The following PTPRT variants were observed in gnomAD, a reference collection of about 807,000 sequenced individuals.
PTPRT encodes the protein receptor-type tyrosine-protein phosphatase T.
A neutral mutation model predicts 176.8 loss-of-function variants in PTPRT; 56 were observed. That is an observed-to-expected ratio of 0.32 (90% confidence interval 0.26 to 0.40). PTPRT has a LOEUF of 0.40. PTPRT is among the 10% of genes least tolerant of loss of function. PTPRT has a pLI of 1.00. For synonymous variants in PTPRT, 783 were observed against 739.0 expected (o/e 1.06, Z -0.96); for missense variants, 1,540 against 1,908.2 (o/e 0.81, Z 3.60).
intron 12 of PTPRT, among the ~76,000 whole-genome samples, chr20:42,285,972 C>A (rs2057223869): frequency 6.6e-6 from 1 of 151,740 alleles, no homozygotes; most frequent in South Asian, 2.1e-4. Flanking sequence ...ATCAATAAGG[C>A]AATCTCATTT....
chr20:42,177,267 G>A (rs1273871261), intron 16 of PTPRT, among the ~76,000 whole-genome samples: 6 of 152,176 alleles, frequency 3.9e-5, no homozygotes, highest in Admixed American at 2.0e-4. Context: ...TGAGTAGTGA[G>A]GGATTAGGTG....
chr20:42,573,745 C>CTTTTT (rs201228742), intron 7 of PTPRT, among the ~76,000 whole-genome samples: 32,215 of 108,894 alleles, frequency 0.3, 5,635 homozygotes, highest in Non-Finnish European at 0.34. Context: ...CCCTTTCTTT[C>CTTTTT]TTTCTTTTTT....
intron 1 of PTPRT, among the ~76,000 whole-genome samples, chr20:42,949,323 C>T (rs1981084017): frequency 6.6e-6 from 1 of 152,240 alleles, no homozygotes; most frequent in African/African-American, 2.4e-5. Flanking sequence ...AACTTCACAA[C>T]ATCTGCTGCC....
intron 6 of PTPRT, among the ~76,000 whole-genome samples, chr20:42,729,048 G>A (rs148789802): frequency 4.4e-4 from 67 of 152,094 alleles, no homozygotes; most frequent in Non-Finnish European, 7.9e-4. Flanking sequence ...GAGGGGCTTC[G>A]AGGAGGTGAG....
At chr20:42,436,264 T>C (rs995997103) in intron 9 of PTPRT, among the ~76,000 whole-genome samples, 2 of 152,186 alleles carry the variant, frequency 1.3e-5, no homozygotes, top group African/African-American at 4.8e-5. Context: ...TTAAGGACTT[T>C]TGTTTTTCAA....
At chr20:42,413,835 C>G (rs1032154289) in intron 9 of PTPRT, among the ~76,000 whole-genome samples, 4 of 152,120 alleles carry the variant, frequency 2.6e-5, no homozygotes. Context: ...AGAACCATCA[C>G]TCTCCACGAG....
chr20:42,764,293 C>T (rs770467966), intron 5 of PTPRT, among the ~76,000 whole-genome samples: 32 of 152,052 alleles, frequency 2.1e-4, no homozygotes, highest in Non-Finnish European at 3.8e-4. Context: ...GTGTAGACGT[C>T]CCATTTAAAG....
chr20:42,315,403 G>C (rs1171253083), intron 12 of PTPRT, among the ~76,000 whole-genome samples: 1 of 151,994 alleles, frequency 6.6e-6, no homozygotes, highest in Non-Finnish European at 1.5e-5. Flanking sequence ...CTCAAGTAAA[G>C]CACCATCTCT....
intron 5 of PTPRT, among the ~76,000 whole-genome samples, chr20:42,767,156 A>G (rs1411167054): frequency 1.3e-5 from 2 of 152,150 alleles, no homozygotes; most frequent in African/African-American, 4.8e-5. Flanking sequence ...TTGTAGAAAG[A>G]TGTTAACCTA....
chr20:42,872,422 T>C (rs879815935), intron 2 of PTPRT, among the ~76,000 whole-genome samples: 1 of 152,212 alleles, frequency 6.6e-6, no homozygotes, highest in Non-Finnish European at 1.5e-5. Flanking sequence ...TAAGCTCAAC[T>C]GGGAGATTTA....
rs900242263 is a variant in PTPRT, at chr20:42,669,617, G to A, written c.1153+8249C>T. Among the ~76,000 whole-genome samples the A allele has an allele frequency of 4.6e-5, 7 of 152,166 alleles. No individual in the cohort carries two copies. In the East Asian group the frequency reaches 1.4e-3, roughly 29 times the overall value. On this transcript the variant is annotated intron_variant, in intron 7 of 30. Transcript: ENST00000373187. ...CCATTTTATAGATGGTGCCGCCAAGGCATAGAGAAATGAAGAAGAAAAACT... is the reference window on the plus strand; with the variant it reads ...CCATTTTATAGATGGTGCCGCCAAGACATAGAGAAATGAAGAAGAAAAACT...
intron 9 of PTPRT, 146 bp from the exon 10 acceptor site, chr20:42,352,431 T>G: frequency 1.4e-6 from 1 of 720,714 alleles, no homozygotes; most frequent in East Asian, 2.7e-5. Context: ...TGCCTGTTGC[T>G]GTCCACTTTC....
intron 8 of PTPRT, among the ~76,000 whole-genome samples, chr20:42,471,658 T>C (rs545333963): frequency 2.6e-5 from 4 of 152,168 alleles, no homozygotes; most frequent in Non-Finnish European, 5.9e-5. Context: ...TTTTGTTTTG[T>C]TTTGTTTTTT....
intron 7 of PTPRT, among the ~76,000 whole-genome samples, chr20:42,566,509 C>T (rs1395952976): frequency 6.6e-6 from 1 of 152,152 alleles, no homozygotes; most frequent in African/African-American, 2.4e-5. Context: ...TAGTTTTCAC[C>T]AATGAAATGG....
intron 6 of PTPRT, among the ~76,000 whole-genome samples, chr20:42,716,739 A>G (rs2076229622): frequency 6.6e-6 from 1 of 152,174 alleles, no homozygotes; most frequent in Admixed American, 6.5e-5. Context: ...ACGCACATGT[A>G]TGTTTATTGT....
At chr20:42,251,515 T>C (rs777616799) in intron 13 of PTPRT, among the ~76,000 whole-genome samples, 1 of 151,850 alleles carries the variant, frequency 6.6e-6, no homozygotes, top group South Asian at 2.1e-4. Context: ...CTGTTAAGGT[T>C]TGAACAGAGA....
At chr20:42,337,156 C>A (rs945494222) in intron 11 of PTPRT, among the ~76,000 whole-genome samples, 1 of 148,898 alleles carries the variant, frequency 6.7e-6, no homozygotes, top group Non-Finnish European at 1.5e-5. Context: ...ATTTAGAAGC[C>A]CCCCCTTCCC....
chr20:42,212,728 G>A (rs1169025618), intron 15 of PTPRT, among the ~76,000 whole-genome samples: 2 of 152,154 alleles, frequency 1.3e-5, no homozygotes, highest in Non-Finnish European at 2.9e-5. Flanking sequence ...AAACCACTTT[G>A]CCCAGGGTAT....
chr20:42,335,426 G>C lies in PTPRT; in HGVS notation c.1865+15202C>G, dbSNP rs2058026266. 2.8e-5 allele frequency among the ~76,000 whole-genome samples: 4 copies of C among 142,810 alleles called. No individual in the cohort carries two copies. The South Asian group carries it at 8.8e-4, about 31-fold the overall frequency. 93.7% of individuals were successfully genotyped at this position (142,810 alleles called of 152,430 possible). A position where few individuals can be genotyped will look rare whatever the true frequency, so the allele number is the denominator to read the frequency against. Reference sequence around the variant, plus strand: ...TAAGCAATGCTTCCAACATGAAAGAGAGCAGTGAATTAAAAAAAATGACTC... The same window carrying C: ...TAAGCAATGCTTCCAACATGAAAGACAGCAGTGAATTAAAAAAAATGACTC... On this transcript the variant is annotated intron_variant, in intron 11 of 30. Coordinates refer to ENST00000373187, the MANE Select transcript of PTPRT (RefSeq NM_007050.6).
Sources: allele counts gnomAD v4.1 joint callset (sites outside exome capture counted in the v4.1 genomes callset), GRCh38; gene constraint gnomAD v4.1.1; transcripts MANE v1.5; gene names NCBI Gene and HGNC (gene_info 2026-07-23, HGNC 2026-07-21).